Variants in ROBO2 observed in about 807,000 individuals in gnomAD.
The protein encoded by ROBO2 is roundabout homolog 2.
Under a neutral mutation model 160.8 loss-of-function variants are expected in ROBO2, and 53 were observed. That is an observed-to-expected ratio of 0.33 (90% CI 0.26 to 0.41). The LOEUF is 0.41. Among genes scored for constraint, ROBO2 ranks in the 10% least tolerant of loss-of-function variants. ROBO2 has a pLI of 1.00. For missense variants in ROBO2, 1,577 were observed against 1,722.4 expected (o/e 0.92, Z 1.49); for synonymous variants, 664 against 611.7 (o/e 1.09, Z -1.26).
At chr3:77,330,604 A>G (rs1581121526) in intron 2 of ROBO2, among the ~76,000 whole-genome samples, 2 of 152,342 alleles carry the variant, frequency 1.3e-5, no homozygotes, top group East Asian at 3.9e-4. Context: ...GAAGTAAAGA[A>G]GCCTGTATAG....
chr3:77,201,908 T>A (rs962647768), intron 2 of ROBO2, among the ~76,000 whole-genome samples: 2 of 152,202 alleles, frequency 1.3e-5, no homozygotes, highest in African/African-American at 4.8e-5. Context: ...TGCCTTGATC[T>A]TCAAGGACAA....
chr3:77,454,366 C>T (rs188358164), intron 2 of ROBO2, among the ~76,000 whole-genome samples: 101 of 152,162 alleles, frequency 6.6e-4, no homozygotes, highest in African/African-American at 2.4e-3. Context: ...TACACATTTC[C>T]ACTGTCGTAG....
At chr3:76,432,887 G>T (rs2109029202) in intron 2 of ROBO2, among the ~76,000 whole-genome samples, 1 of 151,282 alleles carries the variant, frequency 6.6e-6, no homozygotes, top group Non-Finnish European at 1.5e-5. Context: ...AGGGAGGAAT[G>T]AAGGAAAAAA....
intron 2 of ROBO2, among the ~76,000 whole-genome samples, chr3:77,459,315 A>G (rs780641125): frequency 1.1e-4 from 17 of 152,262 alleles, no homozygotes; most frequent in Non-Finnish European, 2.1e-4. Context: ...CTCAACAATT[A>G]GACCAATATA....
chr3:77,420,011 C>G (rs1005848188), intron 2 of ROBO2, among the ~76,000 whole-genome samples: 2 of 152,122 alleles, frequency 1.3e-5, no homozygotes, highest in African/African-American at 4.8e-5. Context: ...AAATGAACAT[C>G]CAGGGTAATT....
At chr3:75,987,052 G>A (rs572488379) in intron 2 of ROBO2, among the ~76,000 whole-genome samples, 2 of 151,724 alleles carry the variant, frequency 1.3e-5, no homozygotes, top group East Asian at 3.9e-4. Flanking sequence ...GCTATTTGGT[G>A]TCCCTTGATT....
At chr3:76,970,653 C>T (rs1037664705) in intron 2 of ROBO2, among the ~76,000 whole-genome samples, 2 of 152,028 alleles carry the variant, frequency 1.3e-5, no homozygotes, top group African/African-American at 2.4e-5. Context: ...CTGGTTCAGC[C>T]AATGAATCAA....
chr3:76,055,186 T>C (rs2067794210), intron 2 of ROBO2, among the ~76,000 whole-genome samples: 1 of 152,046 alleles, frequency 6.6e-6, no homozygotes, highest in South Asian at 2.1e-4. Flanking sequence ...AAGAACAGCA[T>C]GGAAAAAACC....
At chr3:76,286,134 C>T (rs776236571) in intron 2 of ROBO2, among the ~76,000 whole-genome samples, 2 of 152,156 alleles carry the variant, frequency 1.3e-5, no homozygotes, top group Non-Finnish European at 2.9e-5. Flanking sequence ...AATTAATGAA[C>T]AGATGGAATT....
chr3:77,290,391 A>C (rs1486605905), intron 2 of ROBO2, among the ~76,000 whole-genome samples: 1 of 59,094 alleles, frequency 1.7e-5, no homozygotes, highest in Non-Finnish European at 4.2e-5. Context: ...TAAAGACATA[A>C]AGTAAAATTG....
chr3:76,882,533 T>C (rs1263981793), intron 2 of ROBO2, among the ~76,000 whole-genome samples: 2 of 152,184 alleles, frequency 1.3e-5, no homozygotes, highest in East Asian at 3.9e-4. Context: ...TTTTTTCAAG[T>C]GAAAACAGCA....
chr3:77,362,445 G>A (rs887248029), intron 2 of ROBO2, among the ~76,000 whole-genome samples: 2 of 152,070 alleles, frequency 1.3e-5, no homozygotes, highest in African/African-American at 4.8e-5. Flanking sequence ...TATCATCTGG[G>A]GGATGGTGGA....
chr3:76,400,016 C>G (rs2077722142), intron 2 of ROBO2, among the ~76,000 whole-genome samples: 2 of 151,634 alleles, frequency 1.3e-5, no homozygotes, highest in South Asian at 4.1e-4. Flanking sequence ...AGTGTAGCAA[C>G]TTCTCTATAT....
chr3:76,863,715 T>A (rs1416427390), intron 2 of ROBO2, among the ~76,000 whole-genome samples: 2 of 152,056 alleles, frequency 1.3e-5, no homozygotes, highest in African/African-American at 2.4e-5. Flanking sequence ...TTTACTGAAT[T>A]GCTAGCCATA....
At chr3:77,623,980 G>A (rs1335693283) in intron 23 of ROBO2, among the ~76,000 whole-genome samples, 1 of 152,164 alleles carries the variant, frequency 6.6e-6, no homozygotes, top group Non-Finnish European at 1.5e-5. Context: ...TAGGCTGCCT[G>A]ATGTGACTGC....
intron 2 of ROBO2, among the ~76,000 whole-genome samples, chr3:76,328,585 G>A (rs2073210208): frequency 6.6e-6 from 1 of 151,742 alleles, no homozygotes. Flanking sequence ...AATTATCCAG[G>A]CGCGGTGGCT....
intron 2 of ROBO2, among the ~76,000 whole-genome samples, chr3:77,446,667 C>T (rs12496383): frequency 0.2 from 29,842 of 152,046 alleles, 3,692 homozygotes; most frequent in Middle Eastern, 0.28. Context: ...ACTATTCCCA[C>T]ATATTATAAT....
chr3:76,955,302 G>A (rs2079178660), intron 2 of ROBO2, among the ~76,000 whole-genome samples: 1 of 152,086 alleles, frequency 6.6e-6, no homozygotes, highest in African/African-American at 2.4e-5. Flanking sequence ...TGGTTACTAT[G>A]AATAATGCTG....
chr3:77,140,271 AG>A (rs918014089), intron 2 of ROBO2, among the ~76,000 whole-genome samples: 3 of 152,060 alleles, frequency 2.0e-5, no homozygotes, highest in African/African-American at 7.2e-5. Context: ...TAAAGCTGGG[AG>A]GGGGGACAAA....
Sources: allele counts gnomAD v4.1 joint callset (sites outside exome capture counted in the v4.1 genomes callset), GRCh38; gene constraint gnomAD v4.1.1; transcripts MANE v1.5; gene names NCBI Gene and HGNC (gene_info 2026-07-23, HGNC 2026-07-21).